Variants in ARHGAP10 observed in about 807,000 individuals in gnomAD.
ARHGAP10 encodes the protein rho GTPase-activating protein 10.
A neutral mutation model predicts 108.6 loss-of-function variants in ARHGAP10; 87 were observed. That is an observed-to-expected ratio of 0.80 (90% confidence interval 0.67 to 0.96). The LOEUF (loss-of-function observed/expected upper bound fraction) is 0.96. ARHGAP10 is among the 40% of genes least tolerant of loss of function. The probability of loss-of-function intolerance (pLI) is 0.00; values close to 1 mark genes in which losing one functional copy is unlikely to be tolerated. For missense variants in ARHGAP10, 939 were observed against 954.5 expected (o/e 0.98, Z 0.21); for synonymous variants, 347 against 341.1 (o/e 1.02, Z -0.19).
chr4:148,030,569 A>T (rs1280128217), intron 19 of ARHGAP10, among the ~76,000 whole-genome samples: 4 of 152,242 alleles, frequency 2.6e-5, no homozygotes, highest in Non-Finnish European at 5.9e-5. Flanking sequence ...GCCCATGATT[A>T]AAATGACCAT....
At chr4:147,956,420 A>G (rs1738788322) in intron 16 of ARHGAP10, among the ~76,000 whole-genome samples, 2 of 152,102 alleles carry the variant, frequency 1.3e-5, no homozygotes, top group African/African-American at 2.4e-5. Flanking sequence ...TCTACATATA[A>G]AAGAGGCTTT....
chr4:147,750,042 A>C (rs1294189232), intron 1 of ARHGAP10, among the ~76,000 whole-genome samples: 1 of 152,254 alleles, frequency 6.6e-6, no homozygotes, highest in Admixed American at 6.5e-5. Flanking sequence ...CAAGCAAAGA[A>C]CAAAAAGATT....
chr4:147,904,080 A>C (rs1472003384), intron 10 of ARHGAP10, among the ~76,000 whole-genome samples: 1 of 152,172 alleles, frequency 6.6e-6, no homozygotes, highest in Non-Finnish European at 1.5e-5. Context: ...ACCAGCAATG[A>C]ATAAGAGTTC....
In ARHGAP10 at chr4:147,789,821, A is replaced by G. The variant is rs151187466; in HGVS notation, c.155-32906A>G. On this transcript the variant is annotated intron_variant, in intron 1 of 22. Coordinates refer to ENST00000336498, the MANE Select transcript of ARHGAP10 (RefSeq NM_024605.4). Reference sequence around the variant, plus strand: ...TTCATCTGTAAAACAGATGGAAGTCATTAAAAATCAGAGCATTCCTGTTGG... The same window carrying G: ...TTCATCTGTAAAACAGATGGAAGTCGTTAAAAATCAGAGCATTCCTGTTGG... Among the ~76,000 whole-genome samples, 466 of 152,238 alleles carry G rather than the reference A, an allele frequency of 3.1e-3. 10 individuals carry two copies. In the South Asian group the frequency reaches 0.073, roughly 24 times the overall value.
intron 5 of ARHGAP10, chr4:147,858,619 T>G (rs571585591): frequency 6.6e-6 from 1 of 152,356 alleles, no homozygotes; most frequent in East Asian, 1.9e-4. Flanking sequence ...TTTACACCTC[T>G]TCGTCCTTAC....
chr4:147,930,536 G>C (rs1303786224), intron 13 of ARHGAP10, among the ~76,000 whole-genome samples: 4 of 152,028 alleles, frequency 2.6e-5, no homozygotes, highest in Non-Finnish European at 5.9e-5. Flanking sequence ...TTAATTGTCT[G>C]TTTAATTTTA....
intron 18 of ARHGAP10, among the ~76,000 whole-genome samples, chr4:147,984,943 A>G (rs536650218): frequency 2.4e-4 from 36 of 152,290 alleles, no homozygotes; most frequent in East Asian, 5.8e-4. Flanking sequence ...AGGTCCCCCA[A>G]TGGCAGGTCC....
intron 13 of ARHGAP10, among the ~76,000 whole-genome samples, chr4:147,922,440 A>G (rs1406642396): frequency 6.6e-6 from 1 of 151,710 alleles, no homozygotes; most frequent in African/African-American, 2.4e-5. Flanking sequence ...CTGTAATCCC[A>G]GCACTTTGGG....
At chr4:147,810,892 T>C (rs764923823) in intron 1 of ARHGAP10, among the ~76,000 whole-genome samples, 19 of 152,248 alleles carry the variant, frequency 1.2e-4, no homozygotes, top group Non-Finnish European at 2.1e-4. Context: ...ACTCTGTGCC[T>C]CATTTTGTTC....
intron 1 of ARHGAP10, among the ~76,000 whole-genome samples, chr4:147,815,729 G>T (rs942340968): frequency 5.1e-4 from 5 of 9,720 alleles, no homozygotes; most frequent in African/African-American, 2.1e-3. Flanking sequence ...CGTGGTGGTG[G>T]TGGTTTCATG....
intron 10 of ARHGAP10, among the ~76,000 whole-genome samples, chr4:147,895,958 A>AT (rs1322773536): frequency 6.6e-6 from 1 of 152,134 alleles, no homozygotes; most frequent in Non-Finnish European, 1.5e-5. Context: ...TTTTGACAAA[A>AT]TGTTTCTCAG....
At chr4:147,782,908 A>G (rs1230805691) in intron 1 of ARHGAP10, among the ~76,000 whole-genome samples, 5 of 143,788 alleles carry the variant, frequency 3.5e-5, no homozygotes, top group Admixed American at 7.2e-5. Flanking sequence ...CGTATTATAT[A>G]TAATATATAA....
Position 147,934,445 on chromosome 4 carries a change from G to C in ARHGAP10, c.1229-5380G>C, listed in dbSNP as rs138734254. 2.2e-3 allele frequency among the ~76,000 whole-genome samples: 337 copies of C among 152,326 alleles called. 2 individuals carry two copies. Among genetic ancestry groups the C allele is most frequent in the African/African-American group, 7.8e-3 (324 of 41,572 alleles). ...TTCTTACTGTCATATGGGGATATGAGCAGGTTACTTTCTGTGCCACCATCT... is the reference window on the plus strand; with the variant it reads ...TTCTTACTGTCATATGGGGATATGACCAGGTTACTTTCTGTGCCACCATCT... On this transcript the variant is annotated intron_variant, in intron 13 of 22. Coordinates refer to ENST00000336498, the MANE Select transcript of ARHGAP10 (RefSeq NM_024605.4).
chr4:147,959,255 A>G (rs1186025112), intron 16 of ARHGAP10, among the ~76,000 whole-genome samples: 3 of 151,906 alleles, frequency 2.0e-5, no homozygotes, highest in African/African-American at 7.2e-5. Context: ...GTTTTTGAAG[A>G]AGAGGGAAAA....
chr4:147,805,234 C>T (rs1440415195), intron 1 of ARHGAP10, among the ~76,000 whole-genome samples: 1 of 152,124 alleles, frequency 6.6e-6, no homozygotes, highest in Non-Finnish European at 1.5e-5. Flanking sequence ...AATAGGGAGT[C>T]CTTTCCCCAT....
chr4:147,939,785 A>G (rs753364203), intron 13 of ARHGAP10, 40 bp from the exon 14 acceptor site: 5 of 1,538,460 alleles, frequency 3.2e-6, no homozygotes, highest in Non-Finnish European at 4.5e-6. Flanking sequence ...TTAAAATATG[A>G]TAGTCTTCTA....
At chr4:147,906,612 C>CCT (rs759167055) in intron 10 of ARHGAP10, 26 bp from the exon 11 acceptor site, 77 of 1,613,060 alleles carry the variant, frequency 4.8e-5, no homozygotes, top group Non-Finnish European at 6.1e-5. Flanking sequence ...CAAGGGGTAA[C>CCT]CTGATATGTT....
intron 1 of ARHGAP10, among the ~76,000 whole-genome samples, chr4:147,739,827 C>G (rs1674895938): frequency 6.6e-6 from 1 of 151,668 alleles, no homozygotes; most frequent in African/African-American, 2.4e-5. Context: ...CCTCCGCCTC[C>G]CAGGTTCAAG....
chr4:147,952,138 A>G (rs922119315), intron 15 of ARHGAP10, among the ~76,000 whole-genome samples: 2 of 152,202 alleles, frequency 1.3e-5, no homozygotes, highest in South Asian at 4.1e-4. Context: ...ATACACCAGC[A>G]TTTTAAAAAA....
Sources: allele counts gnomAD v4.1 joint callset (sites outside exome capture counted in the v4.1 genomes callset), GRCh38; gene constraint gnomAD v4.1.1; transcripts MANE v1.5; gene names NCBI Gene and HGNC (gene_info 2026-07-23, HGNC 2026-07-21).